The following MADD variants were observed in gnomAD, a reference collection of about 807,000 sequenced individuals.
MADD encodes the protein MAP kinase-activating death domain protein.
A neutral mutation model predicts 176.7 loss-of-function variants in MADD; 109 were observed. The ratio of observed to expected loss-of-function variants is 0.62; its 90% confidence interval spans 0.53 to 0.72. The LOEUF (loss-of-function observed/expected upper bound fraction) is 0.72, where lower values mean the gene tolerates loss of function less well. Among genes scored for constraint, MADD ranks in the 30% least tolerant of loss-of-function variants. The pLI is 0.00. For synonymous variants in MADD, 771 were observed against 771.3 expected, an observed-to-expected ratio of 1.00 and a Z score of 0.01; for missense variants, 1,914 against 2,045.5, an observed-to-expected ratio of 0.94 and a Z score of 1.24.
rs541730952 is a variant in MADD at position 47,276,103 on chromosome 11, T to C, written c.864T>C (p.Ser288=). The change falls in exon 4 of 33, where the codon TCT becomes TCC. Residue 288 remains serine, a synonymous_variant. Coordinates refer to ENST00000402192, the Ensembl canonical transcript of MADD. ...TGACCTTTGCTCTTCCAGACCCATC[T>C]CGATTCACCCTAGTGGATTTCCCAC... 30 of 1,614,216 alleles carry C rather than the reference T, an allele frequency of 1.9e-5. No individual in the cohort carries two copies. In the South Asian group the frequency reaches 3.1e-4, roughly 17 times the overall value.
chr11:47,328,285 G>A (rs2095674564), intron 31 of MADD: 1 of 1,153,196 alleles, frequency 8.7e-7, no homozygotes, highest in Non-Finnish European at 1.1e-6. Flanking sequence ...TCTCCTCCCA[G>A]CCAAAACCTG....
At chr11:47,311,595 T>C (rs2089278782) in intron 25 of MADD, 137 bp from the exon 29 acceptor site, 2 of 615,544 alleles carry the variant, frequency 3.2e-6, no homozygotes, top group Admixed American at 5.7e-5. Context: ...GAAAGTTTTC[T>C]CCCATGTTCA....
At chr11:47,276,071 C>T in exon 4 of MADD, 1 of 1,614,220 alleles carries the variant, frequency 6.2e-7, no homozygotes. Flanking sequence ...AGAGCTCCAG[C>T]CAGCTCTGAC....
intron 15 of MADD, 105 bp from the exon 17 acceptor site, chr11:47,289,285 AG>A (rs1380007788): frequency 8.3e-6 from 8 of 967,004 alleles, no homozygotes; most frequent in Non-Finnish European, 4.9e-6. Flanking sequence ...ACCCTCACCC[AG>A]CCCTTCTGAG....
intron 27 of MADD, 113 bp downstream of exon 30, chr11:47,315,440 T>C (rs1355104541): frequency 1.6e-6 from 1 of 610,872 alleles, no homozygotes; most frequent in Non-Finnish European, 2.9e-6. Flanking sequence ...CATGATCTAT[T>C]TATCATTAAA....
intron 27 of MADD, among the ~76,000 whole-genome samples, chr11:47,317,090 T>A (rs2093297620): frequency 6.6e-6 from 1 of 152,244 alleles, no homozygotes. Context: ...TATCCATTGC[T>A]TTATCCCTTG....
At chr11:47,307,586 C>A (rs956508312) in intron 22 of MADD, among the ~76,000 whole-genome samples, 1 of 152,052 alleles carries the variant, frequency 6.6e-6, no homozygotes, top group Non-Finnish European at 1.5e-5. Flanking sequence ...TCTCTACTTA[C>A]TCTATTTCAT....
At chr11:47,276,471 C>G (rs1296936515) in intron 4 of MADD, among the ~76,000 whole-genome samples, 3 of 152,182 alleles carry the variant, frequency 2.0e-5, no homozygotes, top group Non-Finnish European at 4.4e-5. Flanking sequence ...ATCAGTAGTT[C>G]TGTTTCAGTG....
chr11:47,293,568 GCT>G (rs2067344811), intron 19 of MADD, among the ~76,000 whole-genome samples: 1 of 152,168 alleles, frequency 6.6e-6, no homozygotes, highest in Admixed American at 6.5e-5. Context: ...CTCCCAAAGT[GCT>G]GGGATTACAG....
At chr11:47,269,213 G>A (rs1958081638), upstream of MADD, 1 of 154,188 alleles carries the variant, frequency 6.5e-6, no homozygotes, top group Non-Finnish European at 1.4e-5. Flanking sequence ...CCCAGAGGAG[G>A]GAGAGTCACA....
At chr11:47,300,455 C>CT (rs529241371) in intron 22 of MADD, among the ~76,000 whole-genome samples, 1 of 128,750 alleles carries the variant, frequency 7.8e-6, no homozygotes, top group Non-Finnish European at 1.6e-5. Context: ...GATCTACCCC[C>CT]CGCCCGCCCC....
At chr11:47,276,956 T>C (rs1216942179) in intron 5 of MADD, 93 bp downstream of exon 5, 2 of 1,425,278 alleles carry the variant, frequency 1.4e-6, no homozygotes, top group African/African-American at 2.8e-5. Flanking sequence ...GTGCTGGTCC[T>C]CAATCCTTTG....
intron 32 of MADD, 148 bp from the exon 37 acceptor site, chr11:47,328,898 C>T (rs2095770869): frequency 2.1e-6 from 2 of 937,756 alleles, no homozygotes; most frequent in African/African-American, 3.2e-5. Flanking sequence ...TCCCCTCTCC[C>T]ATGGGGACAG....
intron 22 of MADD, among the ~76,000 whole-genome samples, chr11:47,303,827 C>T (rs1425352596): frequency 6.6e-5 from 10 of 151,596 alleles, no homozygotes; most frequent in Admixed American, 5.3e-4. Flanking sequence ...AGGCTGGTCT[C>T]GAACTCCTGA....
rs367677793 is a variant in MADD at position 47,275,183 on chromosome 11, A to G, written c.659+24A>G. ...AGGTACAGTTTGCTGCTGATGCCTAATGGGGGAAGCATTTAGAGATTCCAT... is the reference window on the plus strand; with the variant it reads ...AGGTACAGTTTGCTGCTGATGCCTAGTGGGGGAAGCATTTAGAGATTCCAT... On this transcript the variant is annotated intron_variant, in intron 3 of 32. Transcript: ENST00000402192. 3.0e-5 allele frequency: 48 copies of G among 1,582,742 alleles called. No homozygotes were observed. In the African/African-American group the frequency reaches 6.1e-4, roughly 20 times the overall value.
intron 27 of MADD, among the ~76,000 whole-genome samples, chr11:47,317,625 T>C (rs2093441382): frequency 6.6e-6 from 1 of 152,120 alleles, no homozygotes; most frequent in South Asian, 2.1e-4. Context: ...GCTATACGCT[T>C]CCTATTGCCT....
chr11:47,272,850 A>T (rs1293123083), intron 1 of MADD, among the ~76,000 whole-genome samples: 2 of 152,196 alleles, frequency 1.3e-5, no homozygotes, highest in Non-Finnish European at 2.9e-5. Flanking sequence ...GTATTGTATT[A>T]CTGATTCTGA....
At chr11:47,328,493 C>G (rs1170879868) in intron 31 of MADD, 165 bp from the exon 36 acceptor site, 1 of 1,486,816 alleles carries the variant, frequency 6.7e-7, no homozygotes. Context: ...CTGGACAGAG[C>G]CTCTGGTGGC....
intron 26 of MADD, among the ~76,000 whole-genome samples, chr11:47,313,540 G>C (rs567032847): frequency 2.0e-5 from 3 of 151,382 alleles, no homozygotes; most frequent in Admixed American, 6.6e-5. Context: ...CCCAGGCTGT[G>C]GTCTTGAACT....
Sources: gnomAD v4.1 joint callset for allele counts (sites outside exome capture counted in the v4.1 genomes callset) on GRCh38, gnomAD v4.1.1 for gene constraint, MANE v1.5 for transcripts, NCBI Gene and HGNC (gene_info 2026-07-23, HGNC 2026-07-21) for gene names.